CLUH: variants seen among roughly 807,000 people sequenced by gnomAD.
CLUH encodes the protein clustered mitochondria protein homolog.
Under a neutral mutation model 139.3 loss-of-function variants are expected in CLUH, and 77 were observed. That is an observed-to-expected ratio of 0.55 (90% CI 0.46 to 0.67). The LOEUF is 0.67. Ranked by LOEUF, CLUH falls within the 30% of genes least tolerant of loss-of-function variation. The pLI, the probability that CLUH is intolerant of heterozygous loss-of-function variation, is 0.00. For missense variants in CLUH, 1,876 were observed against 1,875.8 expected, an observed-to-expected ratio of 1.00 and a Z score of 0.00; for synonymous variants, 999 against 801.6, an observed-to-expected ratio of 1.25 and a Z score of -4.16.
At position 2,690,721 on chromosome 17, in the gene CLUH, T is replaced by C. The variant is rs761710871; in HGVS notation, c.3920A>G (p.Glu1307Gly). Residue 1307 changes from glutamate to glycine, a missense_variant, in exon 26 of 26, where the codon GAG (glutamate) becomes GGG (glycine). Glu to Gly is a moderately conservative substitution (Grantham distance 98). Transcript: ENST00000651024. Reference sequence around the variant, plus strand: ...GGCTCTATCCCTGTTTCTGCTGGCCTCCTGGAGCTGGTGCCGCCGCGCCAC... The same window carrying C: ...GGCTCTATCCCTGTTTCTGCTGGCCCCCTGGAGCTGGTGCCGCCGCGCCAC... ...AEVARRHQLQ[E>G]ASRNRDRAEE... is the part of the protein sequence containing the mutation. The C allele has an allele frequency of 5.1e-6, 8 of 1,558,674 alleles. No homozygotes were observed. Among genetic ancestry groups the C allele is most frequent in the Non-Finnish European group, 6.9e-6 (8 of 1,159,970 alleles).
chr17:2,701,501 A>G lies in CLUH; in HGVS notation c.764T>C (p.Val255Ala). The change falls in exon 6 of 26, where the codon GTA becomes GCA. Residue 255 changes from valine to alanine, a missense_variant. Transcript: ENST00000651024. Reference sequence around the variant, plus strand: ...CGGGTTCCATCCGCTCATGGTGAGTACTTTCAGGCACTGCAAGGGCTTCGG... The same window carrying G: ...CGGGTTCCATCCGCTCATGGTGAGTGCTTTCAGGCACTGCAAGGGCTTCGG... ...RDWKPLQCLK[V>A]LTMSGWNPPP... The G allele has an allele frequency of 6.2e-7, 1 of 1,613,832 alleles. No individual in the cohort carries two copies. Among genetic ancestry groups the G allele is most frequent in the Non-Finnish European group, 8.5e-7 (1 of 1,179,858 alleles).
intron 25 of CLUH, among the ~76,000 whole-genome samples, 179 bp from the exon 26 acceptor site, chr17:2,690,956 C>T (rs1204167446): frequency 6.6e-6 from 1 of 152,138 alleles, no homozygotes. Flanking sequence ...GGTAAGGACC[C>T]CGCACCTGAC....
intron 1 of CLUH, among the ~76,000 whole-genome samples, chr17:2,709,574 C>T (rs987218503): frequency 6.6e-6 from 1 of 152,164 alleles, no homozygotes; most frequent in Non-Finnish European, 1.5e-5. Context: ...GCAGAAGGAA[C>T]CTGACGCACC....
Position 2,694,874 on chromosome 17 carries a change from A to T in CLUH, c.2835T>A (p.Phe945Leu). Residue 945 changes from phenylalanine to leucine, a missense_variant, in exon 16 of 26, where the codon TTT (phenylalanine) becomes TTA (leucine). Coordinates refer to ENST00000651024, the MANE Select transcript of CLUH (RefSeq NM_001366661.1). ...KNICQEAKNY[F>L]DFDLECETVD... ...GCACGCACCACTCGAGGTCGAAGTCAAAGTAGTTCTTGGCCTCCTGGCAGA... is the reference window on the plus strand; with the variant it reads ...GCACGCACCACTCGAGGTCGAAGTCTAAGTAGTTCTTGGCCTCCTGGCAGA... 6.5e-7 allele frequency: 1 copy of T among 1,530,824 alleles called. No homozygotes were observed. Among genetic ancestry groups the T allele is most frequent in the Non-Finnish European group, 8.8e-7 (1 of 1,134,904 alleles). 94.8% of individuals were successfully genotyped at this position (1,530,824 alleles called of 1,614,324 possible).
rs771659481 is a variant in CLUH at position 2,694,499 on chromosome 17, G to A, written c.2918C>T (p.Ser973Leu). Reference protein sequence around the residue: ...LQKITLLREISLKTGIQVLLK... With the variant: ...LQKITLLREILLKTGIQVLLK... Reference sequence around the variant, plus strand: ...GCCCACCTGGATCCCTGTTTTCAGCGAGATCTCCCGCAGGAGCGTTATCTT... The same window carrying A: ...GCCCACCTGGATCCCTGTTTTCAGCAAGATCTCCCGCAGGAGCGTTATCTT... The change falls in exon 17 of 26, where the codon TCG (serine) becomes TTG (leucine). Residue 973 changes from serine to leucine, a missense_variant. Transcript: ENST00000651024. 1.4e-5 allele frequency: 22 copies of A among 1,581,732 alleles called. No individual in the cohort carries two copies. Among genetic ancestry groups the A allele is most frequent in the East Asian group, 6.9e-5 (3 of 43,260 alleles).
At chr17:2,701,564 G>T (rs955839640) in intron 5 of CLUH, 44 bp from the exon 6 acceptor site, 1 of 1,611,830 alleles carries the variant, frequency 6.2e-7, no homozygotes, top group African/African-American at 1.3e-5. Flanking sequence ...TCTGGTGTGG[G>T]GCCTCCACCC....
Position 2,695,527 on chromosome 17 carries a change from C to A in CLUH, c.2392-1G>T. 1 of 1,595,808 alleles carries A rather than the reference C, an allele frequency of 6.3e-7. No individual in the cohort carries two copies. Among genetic ancestry groups the A allele is most frequent in the South Asian group, 1.1e-5 (1 of 90,120 alleles). ...CCGCGTGCTCCATGCAGTCCTTCAC[C>A]TGCGGGCTGCAGCAGCTCAGGCCCC... is the stretch of plus-strand genomic sequence containing the variant. On this transcript the variant is annotated splice_acceptor_variant, in intron 13 of 25. Coordinates refer to ENST00000651024, the MANE Select transcript of CLUH (RefSeq NM_001366661.1). LOFTEE classifies it high-confidence loss of function.
rs527286980 is a variant in CLUH at position 2,709,580 on chromosome 17, G to A, written c.100+1982C>T. 4.6e-5 allele frequency among the ~76,000 whole-genome samples: 7 copies of A among 152,210 alleles called. No homozygotes were observed. The East Asian group carries it at 9.7e-4, about 21-fold the overall frequency. On this transcript the variant is annotated intron_variant, in intron 1 of 25. Transcript: ENST00000651024. ...CTCCCCTGGGCAGAAGGAACCTGAC[G>A]CACCACTGTGGACCTGAAAAACCTG...
At chr17:2,700,290 C>CT in intron 9 of CLUH, 92 bp downstream of exon 9, 1 of 1,247,636 alleles carries the variant, frequency 8.0e-7, no homozygotes, top group Non-Finnish European at 1.1e-6. Flanking sequence ...AGGGCTGCCC[C>CT]TGCCTCCCTT....
At chr17:2,694,299 C>A (rs2069837677) in intron 17 of CLUH, 23 bp from the exon 18 acceptor site, 1 of 1,565,384 alleles carries the variant, frequency 6.4e-7, no homozygotes, top group Admixed American at 1.8e-5. Context: ...CCCCCCACCA[C>A]AGGAAGCCTC....
At position 2,703,280 on chromosome 17, in the gene CLUH, G is replaced by A. The variant is rs769678732; in HGVS notation, c.475+38C>T. On this transcript the variant is annotated intron_variant, in intron 3 of 25. Transcript: ENST00000651024. The surrounding 1 kb of genome is among the most constrained non-coding windows in gnomAD (Gnocchi z 4.2). ...GTGCTGCCTGCCTCTGCCTCCGTGG[G>A]CCCTCCCCCGGGCAGGCTGTCCAAC... is the stretch of plus-strand genomic sequence containing the variant. The A allele has an allele frequency of 8.9e-6, 14 of 1,580,130 alleles. No individual in the cohort carries two copies. Among genetic ancestry groups the A allele is most frequent in the African/African-American group, 5.4e-5 (4 of 74,020 alleles).
In CLUH at chr17:2,692,073, G is replaced by C. The variant is rs1191262302; in HGVS notation, c.3585C>G (p.Tyr1195Ter). Residue 1195 changes from tyrosine to a stop codon, truncating the protein, a stop_gained, in exon 23 of 26, where the codon TAC becomes TAG. Coordinates refer to ENST00000651024, the MANE Select transcript of CLUH (RefSeq NM_001366661.1). LOFTEE classifies it high-confidence loss of function. Reference sequence around the variant, plus strand: ...CCGACCGGAACTCAGCTTTGCTCTCGTAGACTCGGGCGACAAGGTGGTGGC... The same window carrying C: ...CCGACCGGAACTCAGCTTTGCTCTCCTAGACTCGGGCGACAAGGTGGTGGC... The part of the protein sequence containing the change: ...ALSHHLVARV[Y>*]ESKAEFRSAL... The C allele has an allele frequency of 6.2e-7, 1 of 1,604,026 alleles. No individual in the cohort carries two copies. Among genetic ancestry groups the C allele is most frequent in the Non-Finnish European group, 8.5e-7 (1 of 1,176,152 alleles).
At chr17:2,700,567 CCA>C in intron 8 of CLUH, 93 bp from the exon 9 acceptor site, 1 of 1,540,654 alleles carries the variant, frequency 6.5e-7, no homozygotes, top group Non-Finnish European at 8.7e-7. Context: ...GAGAAGAGCC[CCA>C]GACTCCCAAA....
In CLUH at chr17:2,696,554, T is replaced by C; in HGVS notation, c.2186-16A>G. 6.4e-7 allele frequency: 1 copy of C among 1,557,166 alleles called. No homozygotes were observed. The highest frequency in any genetic ancestry group is 8.7e-7 in the Non-Finnish European group (1 of 1,155,158). ...CGAGGGTCTGCTGTGGAGACATGGC[T>C]CCATGAGACACGGGTCCCCTCTGCC... On this transcript the variant is annotated splice_polypyrimidine_tract_variant and intron_variant, in intron 11 of 25. Coordinates refer to ENST00000651024, the MANE Select transcript of CLUH (RefSeq NM_001366661.1).
chr17:2,695,598 C>T, intron 13 of CLUH, 72 bp from the exon 14 acceptor site: 2 of 1,475,950 alleles, frequency 1.4e-6, no homozygotes, highest in Non-Finnish European at 9.0e-7. Flanking sequence ...TCTGGGGGAG[C>T]ACAGCTATCC....
At position 2,694,043 on chromosome 17, in the gene CLUH, C is replaced by T. The variant is rs1567580407; in HGVS notation, c.3092-4G>A. On this transcript the variant is annotated splice_region_variant and splice_polypyrimidine_tract_variant and intron_variant, in intron 18 of 25. Coordinates refer to ENST00000651024, the MANE Select transcript of CLUH (RefSeq NM_001366661.1). ...TCACAGCCCTCCTTCAGGAAGCCTGCAGGGCACCCCCAGGGGTGGCAAGGT... is the reference window on the plus strand; with the variant it reads ...TCACAGCCCTCCTTCAGGAAGCCTGTAGGGCACCCCCAGGGGTGGCAAGGT... The T allele has an allele frequency of 5.0e-6, 8 of 1,613,860 alleles. No homozygotes were observed. Among genetic ancestry groups the T allele is most frequent in the Non-Finnish European group, 5.9e-6 (7 of 1,179,822 alleles).
At position 2,703,329 on chromosome 17, in the gene CLUH, C is replaced by T. The variant is rs774649116; in HGVS notation, c.464G>A (p.Arg155His). 6.8e-6 allele frequency: 11 copies of T among 1,611,206 alleles called. No individual in the cohort carries two copies. Among genetic ancestry groups the T allele is most frequent in the Admixed American group, 1.7e-5 (1 of 59,720 alleles). Residue 155 changes from arginine (R) to histidine (H), a missense_variant, in exon 3 of 26, where the codon CGT becomes CAT. Arg to His is a conservative substitution (Grantham distance 29). Transcript: ENST00000651024. This position sits in a 1 kb window ranked among gnomAD's most constrained non-coding sequence, Gnocchi z 4.2. ...VEGLQEGSVL[R>H]VVEEPYTVRE... is the part of the protein sequence containing the mutation. ...ACTTCCAGACCAACCTTCCACCACA[C>T]GCAGCACAGAGCCCTCCTGCAGCCC...
In CLUH at chr17:2,703,937, C is replaced by T. The variant is rs2070268325; in HGVS notation, c.303+425G>A. 6.6e-6 allele frequency among the ~76,000 whole-genome samples: 1 copy of T among 152,188 alleles called. No individual in the cohort carries two copies. On this transcript the variant is annotated intron_variant, in intron 2 of 25. Coordinates refer to ENST00000651024, the MANE Select transcript of CLUH (RefSeq NM_001366661.1). The surrounding 1 kb of genome is among the most constrained non-coding windows in gnomAD (Gnocchi z 4.2). ...AGACATACGACGACCCTGTCTCGTT[C>T]CCCACTGAGTCACCGGCTTGCAAGA...
Position 2,696,884 on chromosome 17 carries a change from G to A in CLUH, c.2020C>T (p.Leu674=), listed in dbSNP as rs752524635. 1 of 1,612,260 alleles carries A rather than the reference G, an allele frequency of 6.2e-7. No homozygotes were observed. Among genetic ancestry groups the A allele is most frequent in the East Asian group, 2.2e-5 (1 of 44,840 alleles). ...LQLMQQNASQ[L]ETPSSLENGG... ...TTTTCCAGGGAGGAGGGGGTCTCCA[G>A]CTGGCTGGCGTTCTGCTGCATCAGC... The change falls in exon 11 of 26, where the codon CTG becomes TTG. Residue 674 remains leucine, a synonymous_variant. Coordinates refer to ENST00000651024, the MANE Select transcript of CLUH (RefSeq NM_001366661.1).
Sources: gnomAD v4.1 joint callset for allele counts (sites outside exome capture counted in the v4.1 genomes callset) on GRCh38, gnomAD v4.1.1 for gene constraint, Gnocchi (gnomAD v3.1) non-coding constraint, MANE v1.5 for transcripts, NCBI Gene and HGNC (gene_info 2026-07-23, HGNC 2026-07-21) for gene names.